UGP2: variants seen among roughly 807,000 people sequenced by gnomAD.
UGP2 encodes the protein UTP--glucose-1-phosphate uridylyltransferase.
A neutral mutation model predicts 49.0 loss-of-function variants in UGP2; 40 were observed. That is an observed-to-expected ratio of 0.82 (90% CI 0.63 to 1.06). The LOEUF is 1.06. Ranked by LOEUF, UGP2 falls within the 50% of genes least tolerant of loss-of-function variation. The pLI, the probability that UGP2 is intolerant of heterozygous loss-of-function variation, is 0.00. For synonymous variants in UGP2, 225 were observed against 213.0 expected, an observed-to-expected ratio of 1.06 and a Z score of -0.49; for missense variants, 460 against 603.5, an observed-to-expected ratio of 0.76 and a Z score of 2.49.
intron 3 of UGP2, among the ~76,000 whole-genome samples, chr2:63,864,735 C>T (rs1302841144): frequency 6.6e-6 from 1 of 152,190 alleles, no homozygotes; most frequent in Non-Finnish European, 1.5e-5. Flanking sequence ...ATGGCCTTTC[C>T]ATCAGTTCTC....
chr2:63,870,613 TA>T (rs1670484549), intron 3 of UGP2, among the ~76,000 whole-genome samples: 1 of 152,336 alleles, frequency 6.6e-6, no homozygotes, highest in Admixed American at 6.5e-5. Context: ...ACTAAGGATT[TA>T]AAAGTAGGAC....
chr2:63,868,082 A>G (rs932387427), intron 3 of UGP2, among the ~76,000 whole-genome samples: 2 of 152,234 alleles, frequency 1.3e-5, no homozygotes, highest in African/African-American at 4.8e-5. Context: ...AACTCCAACC[A>G]TGTTTATAGG....
intron 3 of UGP2, among the ~76,000 whole-genome samples, chr2:63,868,390 A>G (rs1390423482): frequency 6.6e-6 from 1 of 152,172 alleles, no homozygotes; most frequent in Non-Finnish European, 1.5e-5. Flanking sequence ...TCTTTTCTTA[A>G]TTTTTTGATG....
chr2:63,886,375 G>C lies in UGP2; in HGVS notation c.908G>C (p.Arg303Thr). ...CTCACTCAATATGAAGGCAAACTGA[G>C]ACTGGTGGAAATTGCTCAAGTGCCA... ...GTLTQYEGKL[R>T]LVEIAQVPKA... The change falls in exon 7 of 10, where the codon AGA becomes ACA. Residue 303 changes from arginine to threonine, a missense_variant. Physicochemically the swap from Arg to Thr is moderately conservative, Grantham distance 71. Coordinates refer to ENST00000337130, the MANE Select transcript of UGP2 (RefSeq NM_006759.4). 2 of 1,614,194 alleles carry C rather than the reference G, an allele frequency of 1.2e-6. No individual in the cohort carries two copies. Among genetic ancestry groups the C allele is most frequent in the Non-Finnish European group, 1.7e-6 (2 of 1,180,024 alleles).
intron 5 of UGP2, 127 bp downstream of exon 5, chr2:63,884,220 C>T (rs1033630380): frequency 3.6e-6 from 4 of 1,113,944 alleles, no homozygotes; most frequent in Admixed American, 2.8e-5. Context: ...TGTTTGATGC[C>T]CATAAAAGCT....
intron 1 of UGP2, among the ~76,000 whole-genome samples, chr2:63,843,409 A>G (rs1330382071): frequency 6.6e-6 from 1 of 152,270 alleles, no homozygotes; most frequent in Non-Finnish European, 1.5e-5. Flanking sequence ...GAAAGGCAGA[A>G]CTGTTAGAAA....
At chr2:63,861,088 C>G (rs1669807829) in intron 3 of UGP2, among the ~76,000 whole-genome samples, 1 of 151,988 alleles carries the variant, frequency 6.6e-6, no homozygotes, top group East Asian at 1.9e-4. Context: ...GGATAATGCT[C>G]TGCTCCTTCT....
chr2:63,843,861 G>A (rs1575794155), intron 1 of UGP2, among the ~76,000 whole-genome samples: 1 of 152,138 alleles, frequency 6.6e-6, no homozygotes, highest in Non-Finnish European at 1.5e-5. Flanking sequence ...GCACTTAGTT[G>A]CCAGCCACTT....
chr2:63,869,903 T>C (rs1018390350), intron 3 of UGP2, among the ~76,000 whole-genome samples: 2 of 151,876 alleles, frequency 1.3e-5, no homozygotes, highest in African/African-American at 4.8e-5. Context: ...TAACATTTAT[T>C]TTAGAGTAAT....
chr2:63,873,476 A>G (rs892580134), intron 3 of UGP2, among the ~76,000 whole-genome samples: 1 of 152,084 alleles, frequency 6.6e-6, no homozygotes, highest in Admixed American at 6.5e-5. Flanking sequence ...GTAAGCAAAC[A>G]TTTTGTTTTT....
At chr2:63,877,564 C>T (rs1670988771) in intron 3 of UGP2, among the ~76,000 whole-genome samples, 1 of 152,206 alleles carries the variant, frequency 6.6e-6, no homozygotes, top group Non-Finnish European at 1.5e-5. Flanking sequence ...CATTTTGGAT[C>T]TAGAAATTTG....
intron 2 of UGP2, chr2:63,856,746 T>C (rs1669462905): frequency 2.1e-6 from 1 of 476,576 alleles, no homozygotes; most frequent in Admixed American, 2.3e-5. Context: ...TCAGTTGTAA[T>C]TGAGAGAAGT....
chr2:63,841,781 G>C (rs2104217115), upstream of UGP2: 1 of 162,076 alleles, frequency 6.2e-6, no homozygotes, highest in South Asian at 1.9e-4. Context: ...CGGCCTGCCA[G>C]TGCCTCCTGC....
At chr2:63,861,704 C>A (rs865835266) in intron 3 of UGP2, among the ~76,000 whole-genome samples, 2,148 of 131,166 alleles carry the variant, frequency 0.016, 44 homozygotes, top group African/African-American at 0.052. Flanking sequence ...AAAAAAAAAA[C>A]AAAAAAACGA....
intron 3 of UGP2, among the ~76,000 whole-genome samples, chr2:63,868,881 G>C (rs1447116332): frequency 6.6e-6 from 1 of 151,900 alleles, no homozygotes; most frequent in Non-Finnish European, 1.5e-5. Context: ...GGCTGAGGCA[G>C]GAGAATCACT....
intron 2 of UGP2, chr2:63,856,635 T>C: frequency 1.7e-6 from 1 of 605,564 alleles, no homozygotes; most frequent in Non-Finnish European, 2.8e-6. Flanking sequence ...CTTTTTTTCA[T>C]TTAAGCCTAG....
At chr2:63,880,707 T>TTG (rs1411647890) in intron 3 of UGP2, among the ~76,000 whole-genome samples, 7 of 152,070 alleles carry the variant, frequency 4.6e-5, no homozygotes, top group Admixed American at 6.5e-5. Context: ...GCAGGGTGCT[T>TTG]TGTGTGTGTG....
At chr2:63,861,786 G>T (rs922322233) in intron 3 of UGP2, among the ~76,000 whole-genome samples, 2 of 151,972 alleles carry the variant, frequency 1.3e-5, no homozygotes, top group African/African-American at 4.8e-5. Flanking sequence ...AGTTATGTAG[G>T]GTCATAGGGT....
At position 63,842,117 on chromosome 2, in the gene UGP2, A is replaced by G; in HGVS notation, c.-69A>G. ...TTGTTAAAGCAGGAGAGGAAGAGAG[A>G]CCTGCCCTGTAGCGTGACTCCTCTA... On this transcript the variant is annotated 5_prime_UTR_variant, in exon 1 of 10. Coordinates refer to ENST00000337130, the MANE Select transcript of UGP2 (RefSeq NM_006759.4). 5 of 1,539,096 alleles carry G rather than the reference A, an allele frequency of 3.2e-6. No individual in the cohort carries two copies. Among genetic ancestry groups the G allele is most frequent in the Non-Finnish European group, 4.3e-6 (5 of 1,151,310 alleles).
Sources: allele counts gnomAD v4.1 joint callset (sites outside exome capture counted in the v4.1 genomes callset), GRCh38; gene constraint gnomAD v4.1.1; transcripts MANE v1.5; gene names NCBI Gene and HGNC (gene_info 2026-07-23, HGNC 2026-07-21).